Variants in FAM227B observed in about 807,000 individuals in gnomAD.
FAM227B encodes protein FAM227B.
A neutral mutation model predicts 73.8 loss-of-function variants in FAM227B; 88 were observed. The ratio of observed to expected loss-of-function variants is 1.19; its 90% CI spans 1.00 to 1.42. FAM227B has a LOEUF of 1.42. Ranked by LOEUF, FAM227B falls within the 40% of genes most tolerant of loss-of-function variation. The pLI is 0.00. For synonymous variants in FAM227B, 210 were observed against 190.5 expected (o/e 1.10, Z -0.84); for missense variants, 632 against 590.9 (o/e 1.07, Z -0.72).
intron 13 of FAM227B, among the ~76,000 whole-genome samples, chr15:49,339,011 C>T (rs983403273): frequency 3.3e-5 from 5 of 152,072 alleles, no homozygotes; most frequent in Admixed American, 6.6e-5. Context: ...AACTGGTTAT[C>T]CTAGTTAGCA....
chr15:49,327,977 C>CT lies in FAM227B; in HGVS notation c.*590dup. The CT allele has an allele frequency of 3.7e-6, 6 of 1,613,596 alleles. No individual in the cohort carries two copies. Among genetic ancestry groups the CT allele is most frequent in the Non-Finnish European group, 5.1e-6 (6 of 1,179,648 alleles). The stretch of plus-strand genomic sequence containing the variant: ...GAAGTTTGGGGCTCAAGGGTCACGA[C>CT]TTACTGGAGCAGGATGGGGAGGCTG... On this transcript the variant is annotated 3_prime_UTR_variant, in exon 16 of 16. Coordinates refer to ENST00000299338, the MANE Select transcript of FAM227B (RefSeq NM_152647.3).
intron 9 of FAM227B, among the ~76,000 whole-genome samples, chr15:49,555,250 T>C (rs2073529994): frequency 6.6e-6 from 1 of 152,230 alleles, no homozygotes; most frequent in East Asian, 1.9e-4. Context: ...AGCAGATTTG[T>C]TGGTAGTGAA....
chr15:49,617,216 T>A (rs2078345575), intron 1 of FAM227B, among the ~76,000 whole-genome samples: 1 of 151,878 alleles, frequency 6.6e-6, no homozygotes, highest in Non-Finnish European at 1.5e-5. Context: ...AATTGTGAAA[T>A]AAAAAATATT....
intron 13 of FAM227B, among the ~76,000 whole-genome samples, chr15:49,358,688 A>G (rs955942890): frequency 1.3e-5 from 2 of 150,882 alleles, no homozygotes; most frequent in Admixed American, 6.6e-5. Flanking sequence ...ATTCAATGCC[A>G]TCCCCATCAA....
At chr15:49,528,521 C>T (rs1023032677) in intron 10 of FAM227B, among the ~76,000 whole-genome samples, 14 of 151,754 alleles carry the variant, frequency 9.2e-5, no homozygotes, top group Admixed American at 8.6e-4. Context: ...TAAAAACCGT[C>T]TGCACAGCAA....
intron 10 of FAM227B, among the ~76,000 whole-genome samples, chr15:49,519,053 G>A (rs1356591403): frequency 6.6e-6 from 1 of 152,222 alleles, no homozygotes; most frequent in Admixed American, 6.5e-5. Flanking sequence ...CCAAAGTGAA[G>A]GGGCTACAGG....
At chr15:49,590,533 T>G (rs1025852303) in intron 3 of FAM227B, among the ~76,000 whole-genome samples, 1 of 152,204 alleles carries the variant, frequency 6.6e-6, no homozygotes, top group Non-Finnish European at 1.5e-5. Flanking sequence ...TATTTTCATT[T>G]TTTTCTAGTT....
At chr15:49,377,598 CTGA>C (rs1175717160) in intron 11 of FAM227B, among the ~76,000 whole-genome samples, 3 of 152,088 alleles carry the variant, frequency 2.0e-5, no homozygotes. Flanking sequence ...TTGCATTTCT[CTGA>C]TGATCAATAA....
intron 3 of FAM227B, among the ~76,000 whole-genome samples, chr15:49,596,221 C>G (rs1369170451): frequency 6.6e-6 from 1 of 151,966 alleles, no homozygotes; most frequent in Non-Finnish European, 1.5e-5. Context: ...GCAAAAGCAT[C>G]AGGTAACCTA....
chr15:49,579,838 A>G (rs977884364), intron 5 of FAM227B, among the ~76,000 whole-genome samples: 7 of 152,248 alleles, frequency 4.6e-5, no homozygotes, highest in African/African-American at 1.7e-4. Flanking sequence ...TATTCTAAAT[A>G]ACCTGATTTG....
intron 13 of FAM227B, among the ~76,000 whole-genome samples, chr15:49,345,560 A>G (rs1156381618): frequency 6.6e-6 from 1 of 152,266 alleles, no homozygotes; most frequent in Non-Finnish European, 1.5e-5. Flanking sequence ...AACAATGGTT[A>G]TATTCTACTC....
In FAM227B at chr15:49,520,975, T is replaced by G. The variant is rs2059740877; in HGVS notation, c.875-12627A>C. Among the ~76,000 whole-genome samples, 2 of 152,116 alleles carry G rather than the reference T, an allele frequency of 1.3e-5. 1 individual carries two copies. The highest frequency in any genetic ancestry group is 2.9e-5 in the Non-Finnish European group (2 of 68,010). On this transcript the variant is annotated intron_variant, in intron 10 of 15. Coordinates refer to ENST00000299338, the MANE Select transcript of FAM227B (RefSeq NM_152647.3). ...CAAGACAGACTACTGACCACTGAATTGTCAGAGTCCCTCTTCCCTTGTGAG... is the reference window on the plus strand; with the variant it reads ...CAAGACAGACTACTGACCACTGAATGGTCAGAGTCCCTCTTCCCTTGTGAG...
intron 13 of FAM227B, among the ~76,000 whole-genome samples, chr15:49,338,934 G>C (rs771070127): frequency 1.3e-5 from 2 of 152,020 alleles, no homozygotes; most frequent in Non-Finnish European, 2.9e-5. Flanking sequence ...ATTGATACTT[G>C]TGTATGCTTC....
At chr15:49,602,241 A>G (rs139511496) in intron 3 of FAM227B, among the ~76,000 whole-genome samples, 1 of 152,298 alleles carries the variant, frequency 6.6e-6, no homozygotes, top group Non-Finnish European at 1.5e-5. Context: ...TAGTGGTTGT[A>G]CTAACTTACA....
chr15:49,433,164 T>C (rs1454520952), intron 11 of FAM227B, among the ~76,000 whole-genome samples: 4 of 151,312 alleles, frequency 2.6e-5, no homozygotes, highest in Non-Finnish European at 4.4e-5. Flanking sequence ...AGAAATCAAT[T>C]ATTTGAGATT....
intron 9 of FAM227B, among the ~76,000 whole-genome samples, chr15:49,542,169 G>A (rs2071161183): frequency 6.6e-6 from 1 of 151,932 alleles, no homozygotes; most frequent in Non-Finnish European, 1.5e-5. Context: ...ACATGTGCAG[G>A]TTTCTTATAT....
In FAM227B at chr15:49,367,661, A is replaced by C. The variant is rs573084831; in HGVS notation, c.1111-53T>G. 118 of 1,462,638 alleles carry C rather than the reference A, an allele frequency of 8.1e-5. 1 individual carries two copies. The African/African-American group carries it at 1.6e-3, about 20-fold the overall frequency. 90.6% of individuals were successfully genotyped at this position (1,462,638 alleles called of 1,614,324 possible). On this transcript the variant is annotated intron_variant, in intron 12 of 15. Transcript: ENST00000299338. ...AACGATTACTTTTGTGTTTCTAAAA[A>C]ACTGTGAATAAAATATAACTTCATA... is the stretch of plus-strand genomic sequence containing the variant.
chr15:49,585,180 G>T (rs2076074160), intron 5 of FAM227B, among the ~76,000 whole-genome samples: 1 of 151,998 alleles, frequency 6.6e-6, no homozygotes, highest in Admixed American at 6.6e-5. Flanking sequence ...TCATTAAAAA[G>T]TCAGGAAACA....
chr15:49,582,123 C>T (rs1430686288), intron 5 of FAM227B, among the ~76,000 whole-genome samples: 2 of 152,206 alleles, frequency 1.3e-5, no homozygotes, highest in Non-Finnish European at 2.9e-5. Flanking sequence ...CAAATCAACA[C>T]ATATCAATAC....
Sources: gnomAD v4.1 joint callset for allele counts (sites outside exome capture counted in the v4.1 genomes callset) on GRCh38, gnomAD v4.1.1 for gene constraint, MANE v1.5 for transcripts, NCBI Gene and HGNC (gene_info 2026-07-23, HGNC 2026-07-21) for gene names.